RYR2: variants seen among roughly 807,000 people sequenced by gnomAD.
The protein encoded by RYR2 is ryanodine receptor 2.
RYR2 carries 227 observed loss-of-function variants against 601.1 expected under a neutral mutation model. That is an observed-to-expected ratio of 0.38 (90% CI 0.34 to 0.42). The LOEUF (loss-of-function observed/expected upper bound fraction) is 0.42, where lower values mean the gene tolerates loss of function less well. RYR2 is among the 10% of genes least tolerant of loss of function. The pLI, the probability that RYR2 is intolerant of heterozygous loss-of-function variation, is 1.00. For missense variants in RYR2, 4,646 were observed against 6,156.5 expected (o/e 0.75, Z 8.21); for synonymous variants, 2,223 against 2,175.1 (o/e 1.02, Z -0.61).
intron 1 of RYR2, among the ~76,000 whole-genome samples, chr1:237,069,029 A>G (rs1057252792): frequency 3.9e-5 from 6 of 152,220 alleles, no homozygotes; most frequent in Non-Finnish European, 5.9e-5. Context: ...GAAAAGTTCA[A>G]TGATGGGTGG....
chr1:237,370,011 C>A (rs914249970), intron 6 of RYR2, among the ~76,000 whole-genome samples: 1 of 151,950 alleles, frequency 6.6e-6, no homozygotes, highest in Non-Finnish European at 1.5e-5. Flanking sequence ...ATTGTACTCA[C>A]CAACTTCTTT....
intron 68 of RYR2, among the ~76,000 whole-genome samples, chr1:237,708,092 T>G (rs1688533079): frequency 6.6e-6 from 1 of 152,096 alleles, no homozygotes; most frequent in African/African-American, 2.4e-5. Flanking sequence ...CATCTTTAAA[T>G]GTTGAAGTTT....
intron 19 of RYR2, 68 bp from the exon 20 acceptor site, chr1:237,496,443 A>G: frequency 6.3e-7 from 1 of 1,583,038 alleles, no homozygotes; most frequent in Non-Finnish European, 8.6e-7. Flanking sequence ...TGAAATTGTG[A>G]GATGTAAATG....
chr1:237,699,136 T>C lies in RYR2; in HGVS notation c.9128+111T>C, dbSNP rs1521744. ...TGGATTTTATTCTTTGGATTTGTAA[T>C]AAAGTCTTTAGTGTAGGTGAAAAGA... On this transcript the variant is annotated intron_variant, in intron 64 of 104. Coordinates refer to ENST00000366574, the MANE Select transcript of RYR2 (RefSeq NM_001035.3). 0.75 allele frequency: 421,794 copies of C among 564,802 alleles called. 159,278 individuals carry two copies. The highest frequency in any genetic ancestry group is 0.85 in the African/African-American group (43,804 of 51,814). 35.0% of individuals were successfully genotyped at this position (564,802 alleles called of 1,614,324 possible).
intron 11 of RYR2, among the ~76,000 whole-genome samples, chr1:237,418,997 T>C (rs974217788): frequency 2.0e-5 from 3 of 151,968 alleles, no homozygotes; most frequent in African/African-American, 7.2e-5. Context: ...ATATATTTTG[T>C]GATTATTCAG....
chr1:237,651,273 G>C (rs1258918582), intron 50 of RYR2, 138 bp from the exon 51 acceptor site: 2 of 653,954 alleles, frequency 3.1e-6, no homozygotes, highest in African/African-American at 3.7e-5. Context: ...TTAATCTTTG[G>C]ACAAAGAACA....
chr1:237,269,433 C>A (rs546271296), intron 1 of RYR2, among the ~76,000 whole-genome samples: 3 of 151,898 alleles, frequency 2.0e-5, no homozygotes, highest in Non-Finnish European at 4.4e-5. Flanking sequence ...CTCTGCCCTG[C>A]CATACTACCT....
At chr1:237,664,862 G>A (rs1441821552) in intron 56 of RYR2, among the ~76,000 whole-genome samples, 1 of 152,186 alleles carries the variant, frequency 6.6e-6, no homozygotes, top group Non-Finnish European at 1.5e-5. Flanking sequence ...TTTATATGTT[G>A]TGGTGGGCAA....
At chr1:237,685,365 G>C (rs1366443025) in intron 62 of RYR2, among the ~76,000 whole-genome samples, 1 of 152,134 alleles carries the variant, frequency 6.6e-6, no homozygotes, top group African/African-American at 2.4e-5. Context: ...CATGTGGTGA[G>C]GAATCAGCAG....
At chr1:237,790,173 C>A (rs532609443) in intron 92 of RYR2, among the ~76,000 whole-genome samples, 2 of 152,288 alleles carry the variant, frequency 1.3e-5, no homozygotes, top group Admixed American at 6.5e-5. Context: ...AAACCCACTT[C>A]TCTAGGCTTT....
At chr1:237,417,269 T>G in intron 11 of RYR2, 146 bp downstream of exon 11, 1 of 634,002 alleles carries the variant, frequency 1.6e-6, no homozygotes, top group Non-Finnish European at 2.8e-6. Context: ...AGTTTCTCTT[T>G]TGTCTATTTC....
intron 5 of RYR2, among the ~76,000 whole-genome samples, chr1:237,366,377 C>T (rs903147209): frequency 6.6e-5 from 10 of 152,108 alleles, no homozygotes; most frequent in Admixed American, 6.5e-5. Flanking sequence ...TACAGTCCTT[C>T]GGTGACCCTG....
intron 25 of RYR2, among the ~76,000 whole-genome samples, chr1:237,536,578 G>C (rs1668636892): frequency 6.6e-6 from 1 of 152,182 alleles, no homozygotes. Context: ...AGCCGGGCGT[G>C]GTGGCGGGCG....
At chr1:237,557,380 A>T (rs537573847) in intron 27 of RYR2, among the ~76,000 whole-genome samples, 3 of 152,330 alleles carry the variant, frequency 2.0e-5, no homozygotes, top group East Asian at 3.9e-4. Flanking sequence ...AAAACCACCA[A>T]AGTAGGTACA....
At chr1:237,668,880 AT>A (rs771251263) in intron 58 of RYR2, among the ~76,000 whole-genome samples, 12 of 151,936 alleles carry the variant, frequency 7.9e-5, no homozygotes, top group African/African-American at 2.4e-4. Context: ...TTTATTTTTT[AT>A]TTTTTTTATT....
At chr1:237,294,728 G>A (rs1012660566) in intron 2 of RYR2, among the ~76,000 whole-genome samples, 1 of 152,116 alleles carries the variant, frequency 6.6e-6, no homozygotes, top group Non-Finnish European at 1.5e-5. Flanking sequence ...CTTCTGGAGT[G>A]TATGGTGGTT....
At chr1:237,239,450 T>A (rs1444200536) in intron 1 of RYR2, among the ~76,000 whole-genome samples, 1 of 152,136 alleles carries the variant, frequency 6.6e-6, no homozygotes, top group East Asian at 1.9e-4. Context: ...AAAGATTGGT[T>A]GGACCAGGTG....
intron 2 of RYR2, among the ~76,000 whole-genome samples, chr1:237,287,911 G>T (rs1431503061): frequency 6.6e-6 from 1 of 152,140 alleles, no homozygotes; most frequent in Admixed American, 6.5e-5. Flanking sequence ...ACCAGGTTTG[G>T]TTTTCTGGTT....
At chr1:237,203,648 T>C (rs1046470042) in intron 1 of RYR2, among the ~76,000 whole-genome samples, 7 of 152,236 alleles carry the variant, frequency 4.6e-5, no homozygotes, top group Non-Finnish European at 1.0e-4. Flanking sequence ...AATTTATTCA[T>C]TGAATTTCAT....
Sources: gnomAD v4.1 joint callset for allele counts (sites outside exome capture counted in the v4.1 genomes callset) on GRCh38, gnomAD v4.1.1 for gene constraint, MANE v1.5 for transcripts, NCBI Gene and HGNC (gene_info 2026-07-23, HGNC 2026-07-21) for gene names.